The following MECOM variants were observed in gnomAD, a reference collection of about 807,000 sequenced individuals.
The protein encoded by MECOM is histone-lysine N-methyltransferase MECOM.
In MECOM, 13 loss-of-function variants were observed where a neutral mutation model predicts 116.3. The observed-to-expected ratio is 0.11, with a 90% CI of 0.07 to 0.18. MECOM has a LOEUF of 0.18. Among genes scored for constraint, MECOM ranks in the 10% least tolerant of loss-of-function variants. The probability of loss-of-function intolerance (pLI) is 1.00; values close to 1 mark genes in which losing one functional copy is unlikely to be tolerated. For synonymous variants in MECOM, 528 were observed against 535.2 expected (o/e 0.99, Z 0.19); for missense variants, 1,299 against 1,509.0 (o/e 0.86, Z 2.31).
chr3:169,095,964 A>G (rs1287618503), intron 12 of MECOM, among the ~76,000 whole-genome samples: 1 of 152,102 alleles, frequency 6.6e-6, no homozygotes, highest in East Asian at 1.9e-4. Context: ...AGTCTCTAGC[A>G]GTCTGAATCA....
chr3:169,228,668 C>T (rs1753028810), intron 2 of MECOM, among the ~76,000 whole-genome samples: 1 of 152,132 alleles, frequency 6.6e-6, no homozygotes, highest in Admixed American at 6.6e-5. Context: ...CTTCCCCTTC[C>T]AACGTAAGTC....
intron 2 of MECOM, among the ~76,000 whole-genome samples, chr3:169,186,973 A>G (rs962475560): frequency 6.6e-6 from 1 of 152,190 alleles, no homozygotes; most frequent in African/African-American, 2.4e-5. Context: ...AGTGATGATC[A>G]ATATTCAGTA....
chr3:169,445,572 G>A (rs990861618), intron 1 of MECOM, among the ~76,000 whole-genome samples: 1 of 152,210 alleles, frequency 6.6e-6, no homozygotes, highest in African/African-American at 2.4e-5. Flanking sequence ...CTCTGCCAGG[G>A]CAGTGCAGTA....
intron 2 of MECOM, among the ~76,000 whole-genome samples, chr3:169,195,070 C>T (rs1015007915): frequency 1.3e-5 from 2 of 152,028 alleles, no homozygotes; most frequent in Admixed American, 6.6e-5. Flanking sequence ...ATAATAAGAA[C>T]AGTCATACCT....
intron 1 of MECOM, among the ~76,000 whole-genome samples, chr3:169,561,938 G>A (rs142780504): frequency 0.06 from 9,050 of 151,930 alleles, 371 homozygotes; most frequent in Non-Finnish European, 0.093. Flanking sequence ...TTGAGACCAG[G>A]AGTTCAAGAC....
At chr3:169,212,619 G>T (rs1750872768) in intron 2 of MECOM, among the ~76,000 whole-genome samples, 2 of 120,666 alleles carry the variant, frequency 1.7e-5, no homozygotes, top group Non-Finnish European at 3.3e-5. Context: ...CATAGTCTTG[G>T]TCTTCTAGTC....
intron 1 of MECOM, among the ~76,000 whole-genome samples, chr3:169,431,504 T>A (rs774058922): frequency 6.6e-6 from 1 of 152,220 alleles, no homozygotes; most frequent in Admixed American, 6.5e-5. Context: ...TCCCTTGACC[T>A]GTTGCCAAAT....
intron 1 of MECOM, among the ~76,000 whole-genome samples, chr3:169,429,039 C>T (rs926211837): frequency 1.3e-5 from 2 of 152,096 alleles, no homozygotes; most frequent in Non-Finnish European, 2.9e-5. Context: ...GAACAATAGG[C>T]AGAATATAAT....
intron 1 of MECOM, among the ~76,000 whole-genome samples, chr3:169,586,486 A>G (rs888090778): frequency 6.6e-6 from 1 of 152,150 alleles, no homozygotes; most frequent in Non-Finnish European, 1.5e-5. Context: ...AATTTTCACA[A>G]CCGTCCTTAA....
intron 1 of MECOM, among the ~76,000 whole-genome samples, chr3:169,393,138 C>A (rs942013218): frequency 1.3e-5 from 2 of 152,088 alleles, no homozygotes; most frequent in Non-Finnish European, 2.9e-5. Context: ...GAAACTCCCA[C>A]CAGCCTACAA....
chr3:169,380,630 A>G (rs1732237821), intron 2 of MECOM, among the ~76,000 whole-genome samples: 1 of 152,182 alleles, frequency 6.6e-6, no homozygotes, highest in Admixed American at 6.6e-5. Context: ...AATATAAAGA[A>G]CCATAACCTA....
chr3:169,271,978 G>T (rs1019911059), intron 2 of MECOM, among the ~76,000 whole-genome samples: 1 of 152,082 alleles, frequency 6.6e-6, no homozygotes, highest in Admixed American at 6.6e-5. Context: ...GCATAAACTT[G>T]ATATTTCTGT....
intron 1 of MECOM, among the ~76,000 whole-genome samples, chr3:169,396,229 A>C (rs2108365658): frequency 6.6e-6 from 1 of 152,320 alleles, no homozygotes; most frequent in South Asian, 2.1e-4. Context: ...TTCCTGTTTA[A>C]ACCAGAAGAA....
chr3:169,494,716 C>A (rs1392777563), intron 1 of MECOM, among the ~76,000 whole-genome samples: 1 of 152,178 alleles, frequency 6.6e-6, no homozygotes, highest in Non-Finnish European at 1.5e-5. Context: ...GTGAGGGACC[C>A]TGGAGCATCT....
rs771368057 is a variant in MECOM, at chr3:169,116,079, C to A, written c.1793G>T (p.Gly598Val). Residue 598 changes from glycine (G) to valine (V), a missense_variant, in exon 8 of 17, where the codon GGC (glycine) becomes GTC (valine). Transcript: ENST00000651503. ...PSGSDLETTSGSDLESDIESD... is the reference protein window; with the variant it reads ...PSGSDLETTSVSDLESDIESD... ...TTCAATGTCACTTTCCAGATCAGAGCCCGAGGTTGTTTCCAGGTCACTGCC... is the reference window on the plus strand; with the variant it reads ...TTCAATGTCACTTTCCAGATCAGAGACCGAGGTTGTTTCCAGGTCACTGCC... 6.2e-7 allele frequency: 1 copy of A among 1,614,092 alleles called. No individual in the cohort carries two copies. The highest frequency in any genetic ancestry group is 8.5e-7 in the Non-Finnish European group (1 of 1,180,022).
At position 169,379,503 on chromosome 3, in the gene MECOM, T is replaced by C. The variant is rs576548122; in HGVS notation, c.375+1684A>G. ...TTTTACATTTCTCAAGGTAAATATT[T>C]GCCAGTGTATATGTGGAAGACATTT... On this transcript the variant is annotated intron_variant, in intron 2 of 16. Coordinates refer to ENST00000651503, the MANE Select transcript of MECOM (RefSeq NM_004991.4). Among the ~76,000 whole-genome samples, 60 of 140,274 alleles carry C rather than the reference T, an allele frequency of 4.3e-4. No individual in the cohort carries two copies. In the Middle Eastern group the frequency reaches 0.021, roughly 50 times the overall value. 92.0% of individuals were successfully genotyped at this position (140,274 alleles called of 152,430 possible). A position where few individuals can be genotyped will look rare whatever the true frequency, so the allele number is the denominator to read the frequency against.
intron 1 of MECOM, among the ~76,000 whole-genome samples, chr3:169,504,106 A>C (rs150892403): frequency 6.9e-4 from 104 of 151,042 alleles, no homozygotes; most frequent in African/African-American, 2.5e-3. Flanking sequence ...AAGATGTCTC[A>C]GGGAAAAGGT....
At chr3:169,414,174 A>G (rs150722115) in intron 1 of MECOM, among the ~76,000 whole-genome samples, 8 of 152,308 alleles carry the variant, frequency 5.3e-5, no homozygotes, top group African/African-American at 1.9e-4. Flanking sequence ...CCCTGGTATG[A>G]AGCTTCCAGA....
intron 2 of MECOM, among the ~76,000 whole-genome samples, chr3:169,155,591 C>CA (rs796998566): frequency 7.9e-5 from 12 of 151,076 alleles, no homozygotes; most frequent in African/African-American, 2.2e-4. Flanking sequence ...AGGTAAAGAG[C>CA]AAAAAACAGA....
Sources: allele counts gnomAD v4.1 joint callset (sites outside exome capture counted in the v4.1 genomes callset), GRCh38; gene constraint gnomAD v4.1.1; transcripts MANE v1.5; gene names NCBI Gene and HGNC (gene_info 2026-07-23, HGNC 2026-07-21).